EPB41L3: variants seen among roughly 807,000 people sequenced by gnomAD.
EPB41L3 encodes the protein band 4.1-like protein 3.
A neutral mutation model predicts 127.1 loss-of-function variants in EPB41L3; 57 were observed. That is an observed-to-expected ratio of 0.45 (90% CI 0.36 to 0.56). EPB41L3 has a LOEUF of 0.56. Among genes scored for constraint, EPB41L3 ranks in the 20% least tolerant of loss-of-function variants. The pLI is 0.00. For missense variants in EPB41L3, 1,273 were observed against 1,372.2 expected (o/e 0.93, Z 1.14); for synonymous variants, 572 against 549.5 (o/e 1.04, Z -0.57).
intron 1 of EPB41L3, among the ~76,000 whole-genome samples, chr18:5,542,443 G>A (rs2093757866): frequency 1.3e-5 from 2 of 152,116 alleles, no homozygotes; most frequent in Admixed American, 1.3e-4. Context: ...GCCACCTCAG[G>A]CAGCCTAAAA....
Position 5,397,234 on chromosome 18 carries a change from T to A in EPB41L3, c.2665A>T (p.Ile889Phe), listed in dbSNP as rs1300090417. 2 of 1,614,174 alleles carry A rather than the reference T, an allele frequency of 1.2e-6. No individual in the cohort carries two copies. The highest frequency in any genetic ancestry group is 1.7e-6 in the Non-Finnish European group (2 of 1,180,028). The change falls in exon 18 of 23, where the codon ATT becomes TTT. Residue 889 changes from isoleucine (I) to phenylalanine (F), a missense_variant. By Grantham distance (21) the Ile-to-Phe change is conservative. Around this residue, in one of 3 missense-constraint regions of EPB41L3, gnomAD observed 765 missense variants for 782.9 expected, o/e 0.98. Coordinates refer to ENST00000341928, the MANE Select transcript of EPB41L3 (RefSeq NM_012307.5). The surrounding 1 kb of genome is among the most constrained non-coding windows in gnomAD (Gnocchi z 4.1). ...AAGGCAGAGCCCTCTTTCCCTTTAA[T>A]GCCTGTGAATGCGGGCTGTGCTGCA... Reference protein sequence around the residue: ...DAAAQPAFTGIKGKEGSALTE... With the variant: ...DAAAQPAFTGFKGKEGSALTE...
intron 16 of EPB41L3, among the ~76,000 whole-genome samples, chr18:5,402,927 T>G (rs963894853): frequency 6.6e-6 from 1 of 152,212 alleles, no homozygotes; most frequent in Non-Finnish European, 1.5e-5. Context: ...GAACTGACTA[T>G]AGTAATCATC....
At chr18:5,539,330 AAAAATT>A (rs2093660745) in intron 1 of EPB41L3, among the ~76,000 whole-genome samples, 1 of 152,158 alleles carries the variant, frequency 6.6e-6, no homozygotes, top group Non-Finnish European at 1.5e-5. Context: ...TCAGCAATCT[AAAAATT>A]AAGTTGTCAG....
At chr18:5,414,112 G>A (rs532785042) in intron 13 of EPB41L3, among the ~76,000 whole-genome samples, 1 of 152,186 alleles carries the variant, frequency 6.6e-6, no homozygotes, top group Non-Finnish European at 1.5e-5. Flanking sequence ...ACTGTTAAAG[G>A]AAAAATATAT....
chr18:5,463,810 A>C (rs2084451917), intron 3 of EPB41L3: 3 of 152,380 alleles, frequency 2.0e-5, no homozygotes. Context: ...ACTGACATAC[A>C]CTGGACTCCT....
chr18:5,545,176 G>A (rs947626540), upstream of EPB41L3, among the ~76,000 whole-genome samples: 1 of 152,038 alleles, frequency 6.6e-6, no homozygotes, highest in Non-Finnish European at 1.5e-5. Flanking sequence ...TCCTCGTGTT[G>A]TACATCAGAT....
rs1237306158 is a variant in EPB41L3 at position 5,562,981 on chromosome 18, T to C, written c.-306+49359A>G. Among the ~76,000 whole-genome samples the C allele has an allele frequency of 2.0e-5, 3 of 152,242 alleles. No individual in the cohort carries two copies. The South Asian group carries it at 6.2e-4, about 32-fold the overall frequency. On this transcript the variant is annotated intron_variant, in intron 3 of 21. Coordinates refer to the EPB41L3 transcript ENST00000545076. Reference sequence around the variant, plus strand: ...GTTTCTTGTCTAGTGGGACAACTGCTACATGAACCAATCCTTTCTTTTAAT... The same window carrying C: ...GTTTCTTGTCTAGTGGGACAACTGCCACATGAACCAATCCTTTCTTTTAAT...
chr18:5,526,446 G>A (rs749839329), intron 1 of EPB41L3, among the ~76,000 whole-genome samples: 4 of 152,122 alleles, frequency 2.6e-5, no homozygotes, highest in Non-Finnish European at 5.9e-5. Flanking sequence ...TGATCCGAGT[G>A]CCTCCTCCAA....
exon 3 of EPB41L3, chr18:5,612,362 T>C (rs2094736948): frequency 6.6e-6 from 1 of 152,272 alleles, no homozygotes; most frequent in African/African-American, 2.4e-5. Flanking sequence ...TGGGCGGGGA[T>C]GTCCCCACTC....
intron 3 of EPB41L3, among the ~76,000 whole-genome samples, chr18:5,568,089 A>T (rs1200960327): frequency 3.3e-5 from 5 of 152,168 alleles, no homozygotes; most frequent in Non-Finnish European, 7.3e-5. Context: ...AAATATCTGT[A>T]AGAGAAAAGT....
intron 3 of EPB41L3, among the ~76,000 whole-genome samples, chr18:5,456,724 C>T (rs1003960121): frequency 6.6e-6 from 1 of 152,220 alleles, no homozygotes; most frequent in African/African-American, 2.4e-5. Context: ...TGTTTTCTAA[C>T]ATTCCTCTAT....
At chr18:5,593,335 A>G (rs1203474615) in intron 3 of EPB41L3, among the ~76,000 whole-genome samples, 3 of 152,084 alleles carry the variant, frequency 2.0e-5, no homozygotes, top group Non-Finnish European at 4.4e-5. Context: ...CAAAAGAGAA[A>G]TTTTAAAGCT....
intron 1 of EPB41L3, among the ~76,000 whole-genome samples, chr18:5,511,855 A>AG (rs1169515471): frequency 6.6e-6 from 1 of 152,234 alleles, no homozygotes; most frequent in Non-Finnish European, 1.5e-5. Flanking sequence ...AACAAAATTC[A>AG]GAGAACCACC....
intron 3 of EPB41L3, among the ~76,000 whole-genome samples, chr18:5,592,961 A>T (rs1011089993): frequency 5.3e-5 from 8 of 152,204 alleles, no homozygotes; most frequent in African/African-American, 1.7e-4. Flanking sequence ...CATCAGTCAC[A>T]TCACTGCCCG....
intron 3 of EPB41L3, among the ~76,000 whole-genome samples, chr18:5,469,324 T>C (rs1206615042): frequency 1.3e-5 from 2 of 152,224 alleles, no homozygotes; most frequent in African/African-American, 4.8e-5. Context: ...TGCGTTCCCC[T>C]TGTCCAGACA....
In EPB41L3 at chr18:5,428,350, T is replaced by C. The variant is rs1239403270; in HGVS notation, c.1028A>G (p.Lys343Arg). The C allele has an allele frequency of 1.9e-6, 3 of 1,614,220 alleles. No individual in the cohort carries two copies. The highest frequency in any genetic ancestry group is 2.5e-6 in the Non-Finnish European group (3 of 1,180,042). ...AWPKVLKISY[K>R]RNNFYIKIRP... ...GATCTTAATGTAAAAGTTGTTCCGT[T>C]TGTATGAAATCTTTAGAACCTTGGG... Residue 343 changes from lysine to arginine, a missense_variant, in exon 9 of 23, where the codon AAA becomes AGA. This residue lies in a region of EPB41L3 where 326 missense variants were observed against 440.2 expected (regional missense o/e 0.74). Transcript: ENST00000341928.
intron 9 of EPB41L3, among the ~76,000 whole-genome samples, chr18:5,426,723 T>A (rs986935224): frequency 6.6e-6 from 1 of 152,168 alleles, no homozygotes; most frequent in South Asian, 2.1e-4. Flanking sequence ...AGTATATGAG[T>A]CCGTTTTTCT....
intron 1 of EPB41L3, among the ~76,000 whole-genome samples, chr18:5,523,814 A>G (rs2093101302): frequency 1.3e-5 from 2 of 152,128 alleles, no homozygotes; most frequent in Non-Finnish European, 2.9e-5. Flanking sequence ...ACTGGTATAC[A>G]CTTGTTTTTG....
At chr18:5,620,661 C>T (rs1206439826) in intron 1 of EPB41L3, among the ~76,000 whole-genome samples, 1 of 152,172 alleles carries the variant, frequency 6.6e-6, no homozygotes, top group Non-Finnish European at 1.5e-5. Context: ...GTATCTACAT[C>T]ATCCGATCTT....
Sources: gnomAD v4.1 joint callset for allele counts (sites outside exome capture counted in the v4.1 genomes callset) on GRCh38, gnomAD v4.1.1 for gene constraint, gnomAD v4.1.1 regional missense constraint, Gnocchi (gnomAD v3.1) non-coding constraint, MANE v1.5 for transcripts, NCBI Gene and HGNC (gene_info 2026-07-23, HGNC 2026-07-21) for gene names.